SV2B: variants seen among roughly 807,000 people sequenced by gnomAD.
SV2B encodes the protein synaptic vesicle glycoprotein 2B, also known as solute carrier family 22 member B2.
SV2B carries 41 observed loss-of-function variants against 73.9 expected under a neutral mutation model. The observed-to-expected ratio is 0.56, with a 90% confidence interval of 0.43 to 0.72. The LOEUF is 0.72. Among genes scored for constraint, SV2B ranks in the 30% least tolerant of loss-of-function variants. The pLI is 0.00. For missense variants in SV2B, 764 were observed against 857.8 expected (o/e 0.89, Z 1.37); for synonymous variants, 314 against 314.2 (o/e 1.00, Z 0.01).
chr15:91,266,547 G>T (rs747012746), intron 6 of SV2B, 35 bp from the exon 7 acceptor site: 2 of 1,535,738 alleles, frequency 1.3e-6, no homozygotes, highest in Non-Finnish European at 1.8e-6. Flanking sequence ...ACAAAGTGGG[G>T]TTCAAATTCT....
intron 1 of SV2B, among the ~76,000 whole-genome samples, chr15:91,116,642 A>AT (rs2042186931): frequency 6.6e-6 from 1 of 152,222 alleles, no homozygotes; most frequent in South Asian, 2.1e-4. Flanking sequence ...ATGCACTGAC[A>AT]GAGCTAGAAA....
In SV2B at chr15:91,278,665, C is replaced by T. The variant is rs1472639695; in HGVS notation, c.1374-3063C>T. ...CTGCAGTCCGGCCTGGGCGACAGAG[C>T]GAGACTCCGTCTCAAAAAAAAAAAA... On this transcript the variant is annotated intron_variant, in intron 9 of 12. Coordinates refer to ENST00000394232, the MANE Select transcript of SV2B (RefSeq NM_001323032.3). Among the ~76,000 whole-genome samples, 8 of 85,610 alleles carry T rather than the reference C, an allele frequency of 9.3e-5. 3 individuals are homozygous for T. The highest frequency in any genetic ancestry group is 2.4e-4 in the Admixed American group (2 of 8,408). 56.2% of individuals were successfully genotyped at this position (85,610 alleles called of 152,430 possible). A position where few individuals can be genotyped will look rare whatever the true frequency, so the allele number is the denominator to read the frequency against.
At position 91,115,624 on chromosome 15, in the gene SV2B, G is replaced by T. The variant is rs563647103; in HGVS notation, c.-392+15261G>T. Among the ~76,000 whole-genome samples, 28 of 151,812 alleles carry T rather than the reference G, an allele frequency of 1.8e-4. 1 individual carries two copies. The South Asian group carries it at 5.6e-3, about 31-fold the overall frequency. On this transcript the variant is annotated intron_variant, in intron 1 of 12. Coordinates refer to ENST00000394232, the MANE Select transcript of SV2B (RefSeq NM_001323032.3). The surrounding 1 kb of genome is among the most constrained non-coding windows in gnomAD (Gnocchi z 4.3). ...ACTCCTGAACTCAAGCGATCCACCC[G>T]CCTCGACCTCTCAAAGTGCTGGGAT...
chr15:91,155,614 C>G (rs919500880), intron 1 of SV2B, among the ~76,000 whole-genome samples: 5 of 152,054 alleles, frequency 3.3e-5, no homozygotes, highest in Admixed American at 2.6e-4. Context: ...AGTGTTTTAC[C>G]AGAGATCCGA....
intron 1 of SV2B, among the ~76,000 whole-genome samples, chr15:91,165,260 G>A (rs1041095662): frequency 6.6e-6 from 1 of 152,156 alleles, no homozygotes; most frequent in African/African-American, 2.4e-5. Flanking sequence ...GAACCCAGGT[G>A]GTAGAGGTTG....
rs571428918 is a variant in SV2B, at chr15:91,203,689, A to G, written c.-391-22184A>G. Among the ~76,000 whole-genome samples the G allele has an allele frequency of 7.9e-5, 12 of 152,360 alleles. No homozygotes were observed. The South Asian group carries it at 2.5e-3, about 32-fold the overall frequency. ...TTGAGAAGAATGGAGGGTACAGTAGAAAAAGCTCTGGAATATGGAGACCTG... is the reference window on the plus strand; with the variant it reads ...TTGAGAAGAATGGAGGGTACAGTAGGAAAAGCTCTGGAATATGGAGACCTG... On this transcript the variant is annotated intron_variant, in intron 1 of 12. Coordinates refer to ENST00000394232, the MANE Select transcript of SV2B (RefSeq NM_001323032.3).
intron 4 of SV2B, among the ~76,000 whole-genome samples, chr15:91,254,938 T>C (rs767689767): frequency 7.2e-5 from 11 of 152,168 alleles, no homozygotes; most frequent in Non-Finnish European, 8.8e-5. Context: ...TCTGATTGGA[T>C]CAGCCTTGGT....
intron 1 of SV2B, among the ~76,000 whole-genome samples, chr15:91,126,918 G>A (rs1378273303): frequency 6.6e-6 from 1 of 152,228 alleles, no homozygotes; most frequent in Non-Finnish European, 1.5e-5. Context: ...GTGAAAGACT[G>A]AATGCTTTCC....
intron 2 of SV2B, among the ~76,000 whole-genome samples, chr15:91,250,464 T>G (rs1471120192): frequency 6.6e-6 from 1 of 152,152 alleles, no homozygotes; most frequent in Non-Finnish European, 1.5e-5. Flanking sequence ...GCCACTTCTA[T>G]TCAACATAGA....
At chr15:91,213,459 A>G (rs2045931096) in intron 1 of SV2B, among the ~76,000 whole-genome samples, 1 of 152,148 alleles carries the variant, frequency 6.6e-6, no homozygotes, top group South Asian at 2.1e-4. Flanking sequence ...TGGAATACAA[A>G]GGTAAAGGTA....
chr15:91,114,020 G>A (rs1447965027), intron 1 of SV2B, among the ~76,000 whole-genome samples: 1 of 152,056 alleles, frequency 6.6e-6, no homozygotes, highest in East Asian at 1.9e-4. Context: ...CATAGTAGGT[G>A]CTCAATGGTT....
At chr15:91,183,426 C>T (rs988236995) in intron 1 of SV2B, among the ~76,000 whole-genome samples, 1 of 152,166 alleles carries the variant, frequency 6.6e-6, no homozygotes, top group Non-Finnish European at 1.5e-5. Context: ...AGAAATAGTT[C>T]AGATATGAAC....
intron 1 of SV2B, among the ~76,000 whole-genome samples, chr15:91,181,824 TA>T (rs1228970621): frequency 6.6e-6 from 1 of 151,372 alleles, no homozygotes; most frequent in Non-Finnish European, 1.5e-5. Context: ...CAAAGTAATG[TA>T]AGAAAATTCA....
At chr15:91,166,818 CTT>C (rs758428764) in intron 1 of SV2B, among the ~76,000 whole-genome samples, 5 of 139,122 alleles carry the variant, frequency 3.6e-5, no homozygotes, top group Admixed American at 7.1e-5. Flanking sequence ...GTTTTCTTTT[CTT>C]TTTTTTTTTT....
At chr15:91,127,693 G>T (rs1237830305) in intron 1 of SV2B, among the ~76,000 whole-genome samples, 1 of 152,140 alleles carries the variant, frequency 6.6e-6, no homozygotes, top group Non-Finnish European at 1.5e-5. Context: ...CTGAGTTGCA[G>T]GGGGAAGTGT....
intron 2 of SV2B, among the ~76,000 whole-genome samples, chr15:91,251,155 T>C (rs1567393540): frequency 6.6e-6 from 1 of 152,236 alleles, no homozygotes; most frequent in Admixed American, 6.5e-5. Context: ...CACACATTTA[T>C]GGCCAATTGA....
In SV2B at chr15:91,268,728, CATCATCACA is replaced by C. The variant is rs750335016; in HGVS notation, c.1373+125_1373+133del. 1,265 of 1,283,726 alleles carry C rather than the reference CATCATCACA, an allele frequency of 9.9e-4. 1 individual carries two copies. Among genetic ancestry groups the C allele is most frequent in the Non-Finnish European group, 1.2e-3 (1,176 of 945,112 alleles). The allele number at this position is 1,283,726 out of a possible 1,614,324, so 79.5% of individuals were successfully genotyped here. A position where few individuals can be genotyped will look rare whatever the true frequency, so the allele number is the denominator to read the frequency against. ...CGGGAATGAGCGCCAAGGCTGGTGT[CATCATCACA>C]ACCTGTCATGGCTGCCAGTGACGCC... is the stretch of plus-strand genomic sequence containing the variant. On this transcript the variant is annotated intron_variant, in intron 9 of 12. Transcript: ENST00000394232. The surrounding 1 kb of genome is among the most constrained non-coding windows in gnomAD (Gnocchi z 4.4).
In SV2B at chr15:91,238,102, C is replaced by G. The variant is rs370868103; in HGVS notation, c.451+11388C>G. Among the ~76,000 whole-genome samples, 5 of 152,322 alleles carry G rather than the reference C, an allele frequency of 3.3e-5. No individual in the cohort carries two copies. In the South Asian group the frequency reaches 6.2e-4, roughly 19 times the overall value. Reference sequence around the variant, plus strand: ...GTTGAAAGGTTTATTTTCTCCCATACAGACTTCTTCATAGAAAGCAAAAGA... The same window carrying G: ...GTTGAAAGGTTTATTTTCTCCCATAGAGACTTCTTCATAGAAAGCAAAAGA... On this transcript the variant is annotated intron_variant, in intron 2 of 12. Coordinates refer to ENST00000394232, the MANE Select transcript of SV2B (RefSeq NM_001323032.3).
chr15:91,116,268 C>G (rs1056832818), intron 1 of SV2B, among the ~76,000 whole-genome samples: 4 of 152,090 alleles, frequency 2.6e-5, no homozygotes, highest in African/African-American at 4.8e-5. Flanking sequence ...GAGTGGGTGG[C>G]CTTCATTTGT....
Sources: gnomAD v4.1 joint callset for allele counts (sites outside exome capture counted in the v4.1 genomes callset) on GRCh38, gnomAD v4.1.1 for gene constraint, Gnocchi (gnomAD v3.1) non-coding constraint, MANE v1.5 for transcripts, NCBI Gene and HGNC (gene_info 2026-07-23, HGNC 2026-07-21) for gene names.